SNRPN: variants seen among roughly 807,000 people sequenced by gnomAD.
SNRPN encodes the protein small nuclear ribonucleoprotein-associated protein N.
SNRPN carries 7 observed loss-of-function variants against 25.2 expected under a neutral mutation model. That is an observed-to-expected ratio of 0.28 (90% CI 0.16 to 0.52). The LOEUF (loss-of-function observed/expected upper bound fraction) is 0.52, where lower values mean the gene tolerates loss of function less well. Among genes scored for constraint, SNRPN ranks in the 20% least tolerant of loss-of-function variants. SNRPN has a pLI of 0.96. For synonymous variants in SNRPN, 124 were observed against 110.6 expected, an observed-to-expected ratio of 1.12 and a Z score of -0.76; for missense variants, 196 against 322.5, an observed-to-expected ratio of 0.61 and a Z score of 3.00.
At position 24,890,597 on chromosome 15, in the gene SNRPN, T is replaced by A. The variant is rs771398246; in HGVS notation, c.-505+4008T>A. Among the ~76,000 whole-genome samples the A allele has an allele frequency of 4.6e-5, 7 of 152,252 alleles. No homozygotes were observed. The South Asian group carries it at 8.3e-4, about 18-fold the overall frequency. ...AGGAGGCTGAGGCAGGAGAATCGCT[T>A]GAACCCAGGAGGTGGAGGTTGCAGT... On this transcript the variant is annotated intron_variant, in intron 2 of 11. Coordinates refer to the SNRPN transcript ENST00000400097.
chr15:24,858,409 A>G (rs1333998246), intron 1 of SNRPN, among the ~76,000 whole-genome samples: 8 of 152,086 alleles, frequency 5.3e-5, no homozygotes, highest in South Asian at 2.1e-4. Context: ...GATGGTTTCA[A>G]ATTGATGGCT....
intron 2 of SNRPN, among the ~76,000 whole-genome samples, chr15:24,967,494 T>G (rs1477155314): frequency 6.6e-6 from 1 of 151,810 alleles, no homozygotes; most frequent in Non-Finnish European, 1.5e-5. Context: ...ACAAAAAAAT[T>G]AGCCGAGAGT....
rs1566921436 is a variant in SNRPN at position 24,927,475 on chromosome 15, A to ATTTTTTTTTT, written c.-391+7351_-391+7352insTTTTTTTTTT. Among the ~76,000 whole-genome samples, 110 of 113,300 alleles carry ATTTTTTTTTT rather than the reference A, an allele frequency of 9.7e-4. 11 individuals are homozygous for ATTTTTTTTTT. In the Middle Eastern group the frequency reaches 0.015, roughly 15 times the overall value. 74.3% of individuals were successfully genotyped at this position (113,300 alleles called of 152,430 possible). A position where few individuals can be genotyped will look rare whatever the true frequency, so the allele number is the denominator to read the frequency against. ...TTTCCCACTGCTTATAAAGTTTTTA[A>ATTTTTTTTTT]ATTTTTTTTTTTTTTTTTTTTTTTT... On this transcript the variant is annotated intron_variant, in intron 3 of 11. Transcript: ENST00000400097.
chr15:24,923,356 A>G (rs1325555167), intron 3 of SNRPN, among the ~76,000 whole-genome samples: 1 of 152,136 alleles, frequency 6.6e-6, no homozygotes, highest in African/African-American at 2.4e-5. Flanking sequence ...GAATTCATGG[A>G]TCTTCAATTC....
At chr15:24,880,802 G>A (rs2056505636) in intron 1 of SNRPN, among the ~76,000 whole-genome samples, 1 of 151,922 alleles carries the variant, frequency 6.6e-6, no homozygotes, top group African/African-American at 2.4e-5. Flanking sequence ...GGAGTGGAAT[G>A]GCATGATCTT....
intron 1 of SNRPN, among the ~76,000 whole-genome samples, chr15:24,956,057 C>T (rs2062807803): frequency 6.6e-6 from 1 of 152,102 alleles, no homozygotes; most frequent in Admixed American, 6.5e-5. Flanking sequence ...GCCTACACTG[C>T]CGCAGGGGCT....
intron 1 of SNRPN, among the ~76,000 whole-genome samples, chr15:24,871,473 C>T (rs1460744148): frequency 6.6e-6 from 1 of 151,822 alleles, no homozygotes; most frequent in Non-Finnish European, 1.5e-5. Flanking sequence ...TAAAAATATG[C>T]CTTTAATTTT....
At chr15:24,936,313 G>A (rs960680772) in intron 3 of SNRPN, among the ~76,000 whole-genome samples, 2 of 152,138 alleles carry the variant, frequency 1.3e-5, no homozygotes, top group African/African-American at 4.8e-5. Flanking sequence ...GGCCAAGTTA[G>A]GCTCCCATGT....
chr15:24,937,034 G>C (rs1309834468), intron 3 of SNRPN, among the ~76,000 whole-genome samples: 1 of 152,056 alleles, frequency 6.6e-6, no homozygotes, highest in Non-Finnish European at 1.5e-5. Context: ...CATGAGGTCA[G>C]GAGATCGAGA....
rs1231565836 is a variant in SNRPN at position 24,868,515 on chromosome 15, CTT to C, written c.-579+11800_-579+11801del. Among the ~76,000 whole-genome samples the C allele has an allele frequency of 2.0e-5, 3 of 152,298 alleles. No homozygotes were observed. In the East Asian group the frequency reaches 5.8e-4, roughly 29 times the overall value. ...TGTACCTTCAGCTGTGCTCTATTCT[CTT>C]GTTTCAAAATAAGTCAAGGTTGCTG... is the stretch of plus-strand genomic sequence containing the variant. On this transcript the variant is annotated intron_variant, in intron 1 of 11. Transcript: ENST00000400097.
At chr15:24,857,752 T>A (rs1206436130) in intron 1 of SNRPN, among the ~76,000 whole-genome samples, 1 of 152,158 alleles carries the variant, frequency 6.6e-6, no homozygotes, top group Admixed American at 6.5e-5. Flanking sequence ...AGCCGATTTA[T>A]CAAGACAAGG....
rs1053612920 is a variant in SNRPN, at chr15:24,872,668, C to T, written c.-578-13848C>T. On this transcript the variant is annotated intron_variant, in intron 1 of 11. Coordinates refer to the SNRPN transcript ENST00000400097. ...GGCTGAGACAGCAGAATCGCTTGAA[C>T]CTGGGAAGCAGAGGTTGTGGTGAGC... Among the ~76,000 whole-genome samples, 2 of 110,142 alleles carry T rather than the reference C, an allele frequency of 1.8e-5. 1 individual carries two copies. Among genetic ancestry groups the T allele is most frequent in the Non-Finnish European group, 3.9e-5 (2 of 51,920 alleles). 72.3% of individuals were successfully genotyped at this position (110,142 alleles called of 152,430 possible). A position where few individuals can be genotyped will look rare whatever the true frequency, so the allele number is the denominator to read the frequency against.
chr15:24,928,036 T>A (rs979212405), intron 3 of SNRPN, among the ~76,000 whole-genome samples: 4 of 152,146 alleles, frequency 2.6e-5, no homozygotes, highest in Non-Finnish European at 5.9e-5. Flanking sequence ...TGAGATATCA[T>A]CTCATCCCAG....
chr15:24,834,751 C>CTCTATATATATATA, intron 2 of SNRPN, among the ~76,000 whole-genome samples: 4 of 60,956 alleles, frequency 6.6e-5, no homozygotes, highest in Admixed American at 2.1e-4. Flanking sequence ...CTCTCTCTCT[C>CTCTATATATATATA]TATATATATA....
chr15:24,830,587 A>C (rs1315157066), intron 2 of SNRPN, among the ~76,000 whole-genome samples: 1 of 151,998 alleles, frequency 6.6e-6, no homozygotes, highest in Non-Finnish European at 1.5e-5. Flanking sequence ...ATTTTCCTCT[A>C]AGCTTCCCTG....
intron 1 of SNRPN, among the ~76,000 whole-genome samples, chr15:24,859,348 T>G (rs1475203475): frequency 6.6e-6 from 1 of 152,162 alleles, no homozygotes; most frequent in African/African-American, 2.4e-5. Context: ...AGGGCCTGTA[T>G]TATAAATTGT....
Position 24,910,992 on chromosome 15 carries a change from G to A in SNRPN, c.-504-9019G>A, listed in dbSNP as rs529799176. 317 of 1,172,228 alleles carry A rather than the reference G, an allele frequency of 2.7e-4. 4 individuals are homozygous for A. In the South Asian group the frequency reaches 2.8e-3, roughly 10 times the overall value. The allele number at this position is 1,172,228 out of a possible 1,614,324, so 72.6% of individuals were successfully genotyped here. ...CACTGTTGGCACATGGCTAAAGACC[G>A]TGGTGATTTTATAGCATCCTGGGCA... On this transcript the variant is annotated intron_variant, in intron 2 of 11. Transcript: ENST00000400097.
At chr15:24,912,262 C>T (rs2059263441) in intron 2 of SNRPN, 1 of 152,140 alleles carries the variant, frequency 6.6e-6, no homozygotes, top group Non-Finnish European at 1.5e-5. Flanking sequence ...AGACTGCAGG[C>T]ACCATGCCTG....
chr15:24,944,189 G>A (rs1181634672), intron 3 of SNRPN, among the ~76,000 whole-genome samples: 1 of 152,168 alleles, frequency 6.6e-6, no homozygotes, highest in African/African-American at 2.4e-5. Context: ...GCCTGGACCT[G>A]TTGCAGAAGC....
Sources: gnomAD v4.1 joint callset for allele counts (sites outside exome capture counted in the v4.1 genomes callset) on GRCh38, gnomAD v4.1.1 for gene constraint, MANE v1.5 for transcripts, NCBI Gene and HGNC (gene_info 2026-07-23, HGNC 2026-07-21) for gene names.